The following PBRM1 variants were observed in gnomAD, a reference collection of about 807,000 sequenced individuals.
PBRM1 encodes the protein protein polybromo-1.
Under a neutral mutation model 194.5 loss-of-function variants are expected in PBRM1, and 27 were observed. That is an observed-to-expected ratio of 0.14 (90% CI 0.10 to 0.19). PBRM1 has a LOEUF of 0.19. Among genes scored for constraint, PBRM1 ranks in the 10% least tolerant of loss-of-function variants. PBRM1 has a pLI of 1.00. For missense variants in PBRM1, 1,466 were observed against 2,077.2 expected, an observed-to-expected ratio of 0.71 and a Z score of 5.72; for synonymous variants, 655 against 693.2, an observed-to-expected ratio of 0.94 and a Z score of 0.87.
intron 17 of PBRM1, among the ~76,000 whole-genome samples, chr3:52,591,817 C>CTT (rs34822595): frequency 2.9e-4 from 28 of 94,948 alleles, no homozygotes; most frequent in Non-Finnish European, 4.5e-4. Context: ...TGCGCCCGGC[C>CTT]TTTTTTTTTT....
Position 52,576,717 on chromosome 3 carries a change from T to C in PBRM1, c.3534-19A>G, listed in dbSNP as rs1449004899. On this transcript the variant is annotated intron_variant, in intron 21 of 29. Transcript: ENST00000296302. ...TTCAATTCTTGGGGAGGAAAATATATAAATTACATTAAAATAGTTTCCTTC... is the reference window on the plus strand; with the variant it reads ...TTCAATTCTTGGGGAGGAAAATATACAAATTACATTAAAATAGTTTCCTTC... 1 of 1,555,900 alleles carries C rather than the reference T, an allele frequency of 6.4e-7. No homozygotes were observed. Among genetic ancestry groups the C allele is most frequent in the Non-Finnish European group, 8.7e-7 (1 of 1,145,794 alleles).
chr3:52,608,024 T>C lies in PBRM1; in HGVS notation c.2567+1289A>G, dbSNP rs1352338302. 2.0e-5 allele frequency among the ~76,000 whole-genome samples: 3 copies of C among 152,248 alleles called. No homozygotes were observed. In the East Asian group the frequency reaches 5.8e-4, roughly 29 times the overall value. ...CATTTGAACCCTACCTATCATCCCA[T>C]GCCTTTTAAGGAGAACTGTGGCCCA... On this transcript the variant is annotated intron_variant, in intron 16 of 29. Coordinates refer to ENST00000296302, the Ensembl canonical transcript of PBRM1.
At chr3:52,662,396 T>C (rs2153933730) in intron 3 of PBRM1, 120 bp from the exon 5 acceptor site, 2 of 752,076 alleles carry the variant, frequency 2.7e-6, no homozygotes, top group Non-Finnish European at 2.1e-6. Flanking sequence ...AACATCCTCA[T>C]GATTAAAACA....
chr3:52,633,942 C>A (rs2095708018), intron 11 of PBRM1, among the ~76,000 whole-genome samples: 1 of 152,076 alleles, frequency 6.6e-6, no homozygotes, highest in Non-Finnish European at 1.5e-5. Context: ...ATCACTTTAA[C>A]ATTTTCTAAA....
chr3:52,570,840 T>C lies in PBRM1; in HGVS notation c.3691+5701A>G, dbSNP rs535634094. On this transcript the variant is annotated intron_variant, in intron 22 of 29. Transcript: ENST00000296302. Reference sequence around the variant, plus strand: ...TAATTTTCTTATAGTTGTGTGTGTGTGCGCACATGTGTGCACATGCGTGTG... The same window carrying C: ...TAATTTTCTTATAGTTGTGTGTGTGCGCGCACATGTGTGCACATGCGTGTG... Among the ~76,000 whole-genome samples the C allele has an allele frequency of 2.3e-4, 35 of 152,040 alleles. No individual in the cohort carries two copies. In the East Asian group the frequency reaches 3.3e-3, roughly 14 times the overall value.
intron 11 of PBRM1, among the ~76,000 whole-genome samples, chr3:52,629,362 A>G (rs930915992): frequency 6.6e-6 from 1 of 152,252 alleles, no homozygotes; most frequent in Non-Finnish European, 1.5e-5. Flanking sequence ...AAAAATCCTA[A>G]TAGTTCATAC....
chr3:52,574,900 C>A (rs2088901729), intron 22 of PBRM1, among the ~76,000 whole-genome samples: 1 of 152,206 alleles, frequency 6.6e-6, no homozygotes, highest in East Asian at 1.9e-4. Context: ...ACAACAACAA[C>A]AAAAATCTTT....
intron 15 of PBRM1, among the ~76,000 whole-genome samples, 178 bp downstream of exon 17, chr3:52,615,173 G>C (rs1312659800): frequency 6.6e-6 from 1 of 152,170 alleles, no homozygotes; most frequent in South Asian, 2.1e-4. Context: ...CCATATGCTT[G>C]TCACAGTTTA....
At chr3:52,672,088 G>C (rs2096961065) in intron 2 of PBRM1, among the ~76,000 whole-genome samples, 1 of 152,174 alleles carries the variant, frequency 6.6e-6, no homozygotes, top group African/African-American at 2.4e-5. Flanking sequence ...TATTAGCAGG[G>C]CTGCATGCCG....
chr3:52,674,627 C>CA (rs869059650), intron 2 of PBRM1, among the ~76,000 whole-genome samples: 1,595 of 108,936 alleles, frequency 0.015, 48 homozygotes, highest in African/African-American at 0.066. Flanking sequence ...CTGTCTCTAC[C>CA]AAAAAAAAAA....
chr3:52,589,576 G>A (rs892158502), intron 17 of PBRM1, among the ~76,000 whole-genome samples: 2 of 152,142 alleles, frequency 1.3e-5, no homozygotes, highest in South Asian at 2.1e-4. Context: ...AAAGAAGTAC[G>A]TATGTCGTTT....
chr3:52,649,731 G>A (rs1274973500), intron 6 of PBRM1, among the ~76,000 whole-genome samples: 2 of 152,166 alleles, frequency 1.3e-5, no homozygotes, highest in African/African-American at 4.8e-5. Context: ...CACGGGACTG[G>A]CAGGAAGAAA....
chr3:52,610,087 T>A, intron 15 of PBRM1, 132 bp from the exon 18 acceptor site: 1 of 532,440 alleles, frequency 1.9e-6, no homozygotes, highest in Non-Finnish European at 3.1e-6. Context: ...TATAGTGAAA[T>A]ATAACCTGCA....
At chr3:52,645,234 T>G (rs2153735835) in intron 7 of PBRM1, among the ~76,000 whole-genome samples, 1 of 152,270 alleles carries the variant, frequency 6.6e-6, no homozygotes, top group East Asian at 1.9e-4. Flanking sequence ...TGTAACTTTT[T>G]GCAGTCTGAG....
intron 27 of PBRM1, 25 bp from the exon 30 acceptor site, chr3:52,550,842 A>C (rs1323597236): frequency 6.7e-7 from 1 of 1,488,692 alleles, no homozygotes; most frequent in East Asian, 2.3e-5. Context: ...GCAATGGCAC[A>C]GTTAGAGGCT....
intron 13 of PBRM1, among the ~76,000 whole-genome samples, chr3:52,618,184 C>G (rs2095070320): frequency 6.6e-6 from 1 of 152,190 alleles, no homozygotes. Context: ...TGTGGTTAAT[C>G]TGAGTTTTCT....
chr3:52,635,040 A>T (rs2095755716), intron 10 of PBRM1, among the ~76,000 whole-genome samples: 1 of 152,022 alleles, frequency 6.6e-6, no homozygotes, highest in African/African-American at 2.4e-5. Context: ...GTTCTCCCAG[A>T]TCAGTCTCCC....
chr3:52,636,063 G>A (rs1323271083), intron 10 of PBRM1, among the ~76,000 whole-genome samples: 2 of 151,774 alleles, frequency 1.3e-5, no homozygotes, highest in African/African-American at 2.4e-5. Flanking sequence ...AGTAGAGATG[G>A]GGTTTCACCA....
chr3:52,657,948 C>T (rs1324524688), intron 5 of PBRM1, among the ~76,000 whole-genome samples: 1 of 151,468 alleles, frequency 6.6e-6, no homozygotes, highest in East Asian at 2.0e-4. Context: ...TGCGCCACCA[C>T]ACCCAGCTAA....
Sources: allele counts gnomAD v4.1 joint callset (sites outside exome capture counted in the v4.1 genomes callset), GRCh38; gene constraint gnomAD v4.1.1; transcripts MANE v1.5; gene names NCBI Gene and HGNC (gene_info 2026-07-23, HGNC 2026-07-21).